The following VGF variants were observed in gnomAD, a reference collection of about 807,000 sequenced individuals.
The protein encoded by VGF is neurosecretory protein VGF.
Under a neutral mutation model 41.1 loss-of-function variants are expected in VGF, and 13 were observed. The ratio of observed to expected loss-of-function variants is 0.32; its 90% CI spans 0.21 to 0.50. The LOEUF is 0.50. VGF is among the 20% of genes least tolerant of loss of function. The pLI is 0.98. For missense variants in VGF, 920 were observed against 882.1 expected (o/e 1.04, Z -0.54); for synonymous variants, 473 against 418.3 (o/e 1.13, Z -1.60).
chr7:101,164,413 T>A lies in VGF; in HGVS notation c.431A>T (p.Glu144Val). 6.2e-7 allele frequency: 1 copy of A among 1,610,042 alleles called. No homozygotes were observed. Among genetic ancestry groups the A allele is most frequent in the Non-Finnish European group, 8.5e-7 (1 of 1,179,482 alleles). Residue 144 changes from glutamate (E) to valine (V), a missense_variant, in exon 2 of 2, where the codon GAG becomes GTG. Physicochemically the swap from Glu to Val is moderately radical, Grantham distance 121. Around this residue, in one of 3 missense-constraint regions of VGF, gnomAD observed 654 missense variants for 638.4 expected, o/e 1.02. Transcript: ENST00000249330. Reference sequence around the variant, plus strand: ...GGGATCGCTCGCCTCGGGCCCATTCTCCGGAGTCTGAGGGCGAGGCGGAGC... The same window carrying A: ...GGGATCGCTCGCCTCGGGCCCATTCACCGGAGTCTGAGGGCGAGGCGGAGC... The part of the protein sequence containing the change: ...PAAPPRPQTP[E>V]NGPEASDPSE...
At position 101,163,912 on chromosome 7, in the gene VGF, GCCTGCCGCCGCCCGGCCTCCA is replaced by G; in HGVS notation, c.911_931del (p.Val304_Gln310del). On this transcript the variant is annotated inframe_deletion, in exon 2 of 2. Coordinates refer to ENST00000249330, the MANE Select transcript of VGF (RefSeq NM_003378.4). The surrounding 1 kb of genome is among the most constrained non-coding windows in gnomAD (Gnocchi z 5.0). Reference sequence around the variant, plus strand: ...CGCCGCGGCCTGCCGCGTGGCCTCCGCCTGCCGCCGCCCGGCCTCCACCTGCGCCAGCCCTTGCTGGAGAAG... The same window carrying G: ...CGCCGCGGCCTGCCGCGTGGCCTCCGCCTGCGCCAGCCCTTGCTGGAGAAG... The G allele has an allele frequency of 3.4e-6, 5 of 1,459,852 alleles. No individual in the cohort carries two copies. Among genetic ancestry groups the G allele is most frequent in the Admixed American group, 2.7e-5 (1 of 37,730 alleles). The allele number at this position is 1,459,852 out of a possible 1,614,324, so 90.4% of individuals were successfully genotyped here.
upstream of VGF, among the ~76,000 whole-genome samples, chr7:101,167,132 T>TAC (rs967405120): frequency 8.6e-5 from 13 of 151,992 alleles, no homozygotes; most frequent in Non-Finnish European, 1.8e-4. The surrounding 1 kb of genome is among the most constrained non-coding windows in gnomAD (Gnocchi z 4.2). Context: ...TCCCCCTCCC[T>TAC]ACACACACAC....
At chr7:101,166,038 A>G (rs779950461), upstream of VGF, among the ~76,000 whole-genome samples, 10 of 152,170 alleles carry the variant, frequency 6.6e-5, no homozygotes, top group Non-Finnish European at 1.5e-5. Flanking sequence ...TGGGAGCTCA[A>G]TACTGGGGAG....
At chr7:101,167,297 G>A (rs556446439), upstream of VGF, among the ~76,000 whole-genome samples, 14 of 152,220 alleles carry the variant, frequency 9.2e-5, no homozygotes, top group South Asian at 4.1e-4. The surrounding 1 kb of genome is among the most constrained non-coding windows in gnomAD (Gnocchi z 4.2). Context: ...GAGGAGGAAG[G>A]AATGAAGGGA....
upstream of VGF, among the ~76,000 whole-genome samples, chr7:101,169,149 G>A (rs80264175): frequency 0.029 from 4,377 of 151,974 alleles, 94 homozygotes; most frequent in Non-Finnish European, 0.043. Context: ...GGTCCCATTC[G>A]CCCTCAGACC....
chr7:101,166,118 C>T (rs1373227842), upstream of VGF, among the ~76,000 whole-genome samples: 3 of 152,316 alleles, frequency 2.0e-5, no homozygotes, highest in African/African-American at 7.2e-5. Flanking sequence ...CGCCCAAGGA[C>T]GGCGTGAACC....
At chr7:101,167,134 C>A (rs1341009998), upstream of VGF, among the ~76,000 whole-genome samples, 1 of 152,138 alleles carries the variant, frequency 6.6e-6, no homozygotes, top group African/African-American at 2.4e-5. This position sits in a 1 kb window ranked among gnomAD's most constrained non-coding sequence, Gnocchi z 4.2. Flanking sequence ...CCCCTCCCTA[C>A]ACACACACTC....
At chr7:101,169,528 G>C (rs1356313814), upstream of VGF, among the ~76,000 whole-genome samples, 1 of 152,122 alleles carries the variant, frequency 6.6e-6, no homozygotes, top group African/African-American at 2.4e-5. Context: ...CCAGACCTAG[G>C]CTGGAGATGT....
chr7:101,162,863 C>G lies in VGF; in HGVS notation c.*133G>C. 1.4e-6 allele frequency: 1 copy of G among 697,294 alleles called. No individual in the cohort carries two copies. Among genetic ancestry groups the G allele is most frequent in the Non-Finnish European group, 2.5e-6 (1 of 397,058 alleles). 43.2% of individuals were successfully genotyped at this position (697,294 alleles called of 1,614,324 possible). A position where few individuals can be genotyped will look rare whatever the true frequency, so the allele number is the denominator to read the frequency against. On this transcript the variant is annotated 3_prime_UTR_variant, in exon 2 of 2. Transcript: ENST00000249330. The surrounding 1 kb of genome is among the most constrained non-coding windows in gnomAD (Gnocchi z 4.2). Reference sequence around the variant, plus strand: ...GGGGGTCTGGCAGGTCCCGACGCAGCCCGGGGACAGGGGCAGGGCCAAGGG... The same window carrying G: ...GGGGGTCTGGCAGGTCCCGACGCAGGCCGGGGACAGGGGCAGGGCCAAGGG...
Position 101,163,159 on chromosome 7 carries a change from C to T in VGF, c.1685G>A (p.Arg562His). 6.4e-7 allele frequency: 1 copy of T among 1,573,670 alleles called. No homozygotes were observed. The highest frequency in any genetic ancestry group is 8.6e-7 in the Non-Finnish European group (1 of 1,164,440). Reference protein sequence around the residue: ...PRTLQPPSALRRRHYHHALPP... With the variant: ...PRTLQPPSALHRRHYHHALPP... ...CAAGGCGTGGTGGTAGTGGCGGCGGCGCAAGGCCGAGGGCGGCTGCAGTGT... is the reference window on the plus strand; with the variant it reads ...CAAGGCGTGGTGGTAGTGGCGGCGGTGCAAGGCCGAGGGCGGCTGCAGTGT... Residue 562 changes from arginine to histidine, a missense_variant, in exon 2 of 2, where the codon CGC becomes CAC. Transcript: ENST00000249330. This position sits in a 1 kb window ranked among gnomAD's most constrained non-coding sequence, Gnocchi z 5.0.
Position 101,164,645 on chromosome 7 carries a change from G to C in VGF, c.199C>G (p.Pro67Ala). 2 of 1,594,512 alleles carry C rather than the reference G, an allele frequency of 1.3e-6. No individual in the cohort carries two copies. Among genetic ancestry groups the C allele is most frequent in the Admixed American group, 1.8e-5 (1 of 57,100 alleles). Residue 67 changes from proline (P) to alanine (A), a missense_variant, in exon 2 of 2, where the codon CCG becomes GCG. Around this residue, in one of 3 missense-constraint regions of VGF, gnomAD observed 654 missense variants for 638.4 expected, o/e 1.02. Transcript: ENST00000249330. ...TGGAAAAGCTCTCCCTCGTCCTGCG[G>C]CTCGGAATTCCGAGCGCCTCGGACC... ...PEVRGARNSEPQDEGELFQGV... is the reference protein window; with the variant it reads ...PEVRGARNSEAQDEGELFQGV...
At position 101,164,464 on chromosome 7, in the gene VGF, G is replaced by C; in HGVS notation, c.380C>G (p.Pro127Arg). 6.2e-7 allele frequency: 1 copy of C among 1,602,472 alleles called. No homozygotes were observed. The highest frequency in any genetic ancestry group is 8.5e-7 in the Non-Finnish European group (1 of 1,178,192). ...CGCGGGCTCCGGGCTCTCCGGCGCCGGGAGGCTGTGGGTCTGGCTGCGCAC... is the reference window on the plus strand; with the variant it reads ...CGCGGGCTCCGGGCTCTCCGGCGCCCGGAGGCTGTGGGTCTGGCTGCGCAC... ...ETVRSQTHSL[P>R]APESPEPAAP... The change falls in exon 2 of 2, where the codon CCG becomes CGG. Residue 127 changes from proline (P) to arginine (R), a missense_variant. By Grantham distance (103) the Pro-to-Arg change is moderately radical. Transcript: ENST00000249330.
In VGF at chr7:101,163,826, CG is replaced by C; in HGVS notation, c.1017del (p.Ala341ProfsTer333). 6.5e-7 allele frequency: 1 copy of C among 1,530,420 alleles called. No homozygotes were observed. The highest frequency in any genetic ancestry group is 8.7e-7 in the Non-Finnish European group (1 of 1,144,074). 94.8% of individuals were successfully genotyped at this position (1,530,420 alleles called of 1,614,324 possible). A position where few individuals can be genotyped will look rare whatever the true frequency, so the allele number is the denominator to read the frequency against. ...CCCCCGAGGCCGCGCTGCCGGGCCC[CG>C]CCCTGCAGCAAATACTGGAGCAGCA... ...SDLLLQYLLQ[G>X]GARQRGLGGR... On this transcript the variant is annotated frameshift_variant, in exon 2 of 2. Coordinates refer to ENST00000249330, the MANE Select transcript of VGF (RefSeq NM_003378.4). LOFTEE classifies it high-confidence loss of function. The surrounding 1 kb of genome is among the most constrained non-coding windows in gnomAD (Gnocchi z 5.0).
upstream of VGF, among the ~76,000 whole-genome samples, chr7:101,166,780 G>A (rs946095169): frequency 1.5e-5 from 2 of 133,424 alleles, no homozygotes; most frequent in African/African-American, 2.8e-5. Flanking sequence ...CGGGGGTGGG[G>A]GGGAGGACGG....
chr7:101,164,526 C>G lies in VGF; in HGVS notation c.318G>C (p.Pro106=), dbSNP rs1219669400. The G allele has an allele frequency of 6.3e-7, 1 of 1,599,308 alleles. No individual in the cohort carries two copies. Among genetic ancestry groups the G allele is most frequent in the Non-Finnish European group, 8.5e-7 (1 of 1,178,286 alleles). Residue 106 remains proline (P), a synonymous_variant, in exon 2 of 2, where the codon CCG becomes CCC. Transcript: ENST00000249330. ...PPAPSGSQQG[P]EEEAAEALLT... ...GCAGAGCTTCAGCTGCTTCTTCCTC[C>G]GGCCCCTGCTGGGAGCCGCTTGGTG...
rs199684047 is a variant in VGF at position 101,163,215 on chromosome 7, G to A, written c.1629C>T (p.Tyr543=). 2.9e-5 allele frequency: 45 copies of A among 1,544,934 alleles called. No homozygotes were observed. The highest frequency in any genetic ancestry group is 3.8e-5 in the Non-Finnish European group (44 of 1,151,760). ...EEDEVYPPGP[Y]HPFPNYIRPR... ...GCCGGATGTAGTTGGGGAAAGGGTGGTACGGCCCTGGCGGGTACACCTCGT... is the reference window on the plus strand; with the variant it reads ...GCCGGATGTAGTTGGGGAAAGGGTGATACGGCCCTGGCGGGTACACCTCGT... The change falls in exon 2 of 2, where the codon TAC becomes TAT. Residue 543 remains tyrosine (Y), a synonymous_variant. Transcript: ENST00000249330. This position sits in a 1 kb window ranked among gnomAD's most constrained non-coding sequence, Gnocchi z 5.0.
chr7:101,168,300 G>T (rs780912481), upstream of VGF, among the ~76,000 whole-genome samples: 2 of 152,096 alleles, frequency 1.3e-5, no homozygotes, highest in African/African-American at 4.8e-5. Flanking sequence ...GGCACAAAAG[G>T]CTTGGAGATT....
Position 101,163,078 on chromosome 7 carries a change from T to C in VGF, c.1766A>G (p.Glu589Gly). The change falls in exon 2 of 2, where the codon GAG becomes GGG. Residue 589 changes from glutamate to glycine, a missense_variant. By Grantham distance (98) the Glu-to-Gly change is moderately conservative. This residue lies in a region of VGF where 257 missense variants were observed against 217.2 expected (regional missense o/e 1.18). Transcript: ENST00000249330. This position sits in a 1 kb window ranked among gnomAD's most constrained non-coding sequence, Gnocchi z 5.0. ...CAGCCGGCGCTCCTCCGCCTCCGCC[T>C]CCTCCTGCGCGCGCCGCGCCTGGGC... ...REAQARRAQE[E>G]AEAEERRLQE... 6.3e-7 allele frequency: 1 copy of C among 1,576,194 alleles called. No homozygotes were observed. Among genetic ancestry groups the C allele is most frequent in the East Asian group, 2.5e-5 (1 of 40,468 alleles).
In VGF at chr7:101,164,617, C is replaced by A. The variant is rs774837956; in HGVS notation, c.227G>T (p.Gly76Val). The change falls in exon 2 of 2, where the codon GGC (glycine) becomes GTC (valine). Residue 76 changes from glycine to valine, a missense_variant. By Grantham distance (109) the Gly-to-Val change is moderately radical. Coordinates refer to ENST00000249330, the MANE Select transcript of VGF (RefSeq NM_003378.4). ...EPQDEGELFQ[G>V]VDPRALAAVL... is the part of the protein sequence containing the mutation. Reference sequence around the variant, plus strand: ...CGCGGCCAGCGCCCGGGGATCCACGCCCTGGAAAAGCTCTCCCTCGTCCTG... The same window carrying A: ...CGCGGCCAGCGCCCGGGGATCCACGACCTGGAAAAGCTCTCCCTCGTCCTG... The A allele has an allele frequency of 1.9e-6, 3 of 1,598,726 alleles. No individual in the cohort carries two copies. The highest frequency in any genetic ancestry group is 1.7e-6 in the Non-Finnish European group (2 of 1,173,570).
Sources: allele counts gnomAD v4.1 joint callset (sites outside exome capture counted in the v4.1 genomes callset), GRCh38; gene constraint gnomAD v4.1.1; regional missense constraint gnomAD v4.1.1; non-coding constraint Gnocchi (gnomAD v3.1); transcripts MANE v1.5; gene names NCBI Gene and HGNC (gene_info 2026-07-23, HGNC 2026-07-21).